Variants in PGAM1 observed in about 807,000 individuals in gnomAD.
PGAM1 encodes BPG-dependent PGAM 1.
Under a neutral mutation model 23.5 loss-of-function variants are expected in PGAM1, and 21 were observed. The observed-to-expected ratio is 0.89, with a 90% CI of 0.63 to 1.29. The LOEUF is 1.29. Among genes scored for constraint, PGAM1 ranks in the 50% most tolerant of loss-of-function variants. The pLI is 0.00. For missense variants in PGAM1, 232 were observed against 336.3 expected (o/e 0.69, Z 2.42); for synonymous variants, 109 against 128.6 (o/e 0.85, Z 1.03).
At chr10:97,432,317 T>TTA in intron 3 of PGAM1, 38 bp from the exon 4 acceptor site, 1 of 1,611,938 alleles carries the variant, frequency 6.2e-7, no homozygotes, top group Non-Finnish European at 8.5e-7. Context: ...TGATGTGGAT[T>TTA]TATGTCTTGT....
At chr10:97,431,610 C>G (rs1223947609) in intron 3 of PGAM1, among the ~76,000 whole-genome samples, 4 of 151,910 alleles carry the variant, frequency 2.6e-5, no homozygotes, top group Admixed American at 2.0e-4. Context: ...AAGACTGCAT[C>G]TCTACAAAAT....
At chr10:97,432,046 G>A (rs1452267786) in intron 3 of PGAM1, among the ~76,000 whole-genome samples, 2 of 152,174 alleles carry the variant, frequency 1.3e-5, no homozygotes, top group Admixed American at 6.5e-5. Context: ...GCTGTACAGG[G>A]TATTTGAGAT....
At chr10:97,427,640 C>G in intron 1 of PGAM1, 1 of 1,186,270 alleles carries the variant, frequency 8.4e-7, no homozygotes, top group Non-Finnish European at 1.1e-6. Flanking sequence ...TGAGATAATG[C>G]TTGCCTATCC....
rs1207334745 is a variant in PGAM1 at position 97,432,527 on chromosome 10, G to C, written c.*3G>C. ...CCCAGGGCAAGGCCAAGAAGTGAAG[G>C]CCGGCGGGGAGGATACTGTCCCCAG... On this transcript the variant is annotated 3_prime_UTR_variant, in exon 4 of 4. Transcript: ENST00000334828. 1.9e-6 allele frequency: 3 copies of C among 1,579,704 alleles called. No homozygotes were observed. The South Asian group carries it at 3.3e-5, about 18-fold the overall frequency.
rs1845459144 is a variant in PGAM1, at chr10:97,430,588, C to T, written c.349C>T (p.Arg117Cys). The T allele has an allele frequency of 6.2e-7, 1 of 1,601,558 alleles. No individual in the cohort carries two copies. Among genetic ancestry groups the T allele is most frequent in the Non-Finnish European group, 8.5e-7 (1 of 1,179,892 alleles). Residue 117 changes from arginine (R) to cysteine (C), a missense_variant, in exon 2 of 4, where the codon CGC becomes TGC. Physicochemically the swap from Arg to Cys is radical, Grantham distance 180. Coordinates refer to ENST00000334828, the MANE Select transcript of PGAM1 (RefSeq NM_002629.4). ...HGEAQVKIWR[R>C]SYDVPPPPME... The stretch of plus-strand genomic sequence containing the variant: ...TGAGGCCCAGGTGAAGATCTGGAGG[C>T]GCTCCTATGATGTCCCACCACCTCC...
intron 1 of PGAM1, among the ~76,000 whole-genome samples, chr10:97,430,043 CAAAAA>C (rs71814636): frequency 5.7e-5 from 4 of 69,786 alleles, no homozygotes; most frequent in Non-Finnish European, 9.7e-5. Flanking sequence ...GACTCCGTCT[CAAAAA>C]AAAAAAAAAA....
Position 97,431,937 on chromosome 10 carries a change from C to G in PGAM1, c.596-418C>G, listed in dbSNP as rs193132418. The stretch of plus-strand genomic sequence containing the variant: ...AATATATATAAAAGAAAAAATTCTC[C>G]TTAGTCACAACCAGGCACAACTTTA... On this transcript the variant is annotated intron_variant, in intron 3 of 3. Coordinates refer to ENST00000334828, the MANE Select transcript of PGAM1 (RefSeq NM_002629.4). 1.4e-4 allele frequency among the ~76,000 whole-genome samples: 22 copies of G among 151,864 alleles called. 1 individual carries two copies. In the East Asian group the frequency reaches 4.1e-3, roughly 28 times the overall value.
At position 97,431,003 on chromosome 10, in the gene PGAM1, A is replaced by C. The variant is rs777276054; in HGVS notation, c.463A>C (p.Ser155Arg). The C allele has an allele frequency of 1.2e-5, 19 of 1,613,810 alleles. No homozygotes were observed. Among genetic ancestry groups the C allele is most frequent in the Non-Finnish European group, 1.6e-5 (19 of 1,179,884 alleles). Residue 155 changes from serine to arginine, a missense_variant, in exon 3 of 4, where the codon AGT (serine) becomes CGT (arginine). By Grantham distance (110) the Ser-to-Arg change is moderately radical. Transcript: ENST00000334828. ...AGAAGATCAGCTACCCTCCTGTGAGAGTCTGAAGGATACTATTGCCAGAGC... is the reference window on the plus strand; with the variant it reads ...AGAAGATCAGCTACCCTCCTGTGAGCGTCTGAAGGATACTATTGCCAGAGC... ...LTEDQLPSCE[S>R]LKDTIARALP...
Position 97,429,140 on chromosome 10 carries a change from A to G in PGAM1, c.140-1239A>G, listed in dbSNP as rs377301923. On this transcript the variant is annotated intron_variant, in intron 1 of 3. Coordinates refer to ENST00000334828, the MANE Select transcript of PGAM1 (RefSeq NM_002629.4). ...TTTGCGTGCGACAGAGTCTCGCTCT[A>G]TCGCCCAGACTGGAGTGCAGTGGCG... Among the ~76,000 whole-genome samples the G allele has an allele frequency of 1.6e-3, 189 of 120,252 alleles. 1 individual carries two copies. The highest frequency in any genetic ancestry group is 5.9e-3 in the African/African-American group (174 of 29,652). The allele number at this position is 120,252 out of a possible 152,430, so 78.9% of individuals were successfully genotyped here.
In PGAM1 at chr10:97,426,203, G is replaced by C; in HGVS notation, c.-105G>C. On this transcript the variant is annotated 5_prime_UTR_variant, in exon 1 of 4. Coordinates refer to ENST00000334828, the MANE Select transcript of PGAM1 (RefSeq NM_002629.4). Reference sequence around the variant, plus strand: ...GAAAGATTTGGGCGAGAACTTGCGCGGGAGCCGGACTGAGCGGTGCGAGCG... The same window carrying C: ...GAAAGATTTGGGCGAGAACTTGCGCCGGAGCCGGACTGAGCGGTGCGAGCG... The C allele has an allele frequency of 6.5e-7, 1 of 1,544,420 alleles. No homozygotes were observed. Among genetic ancestry groups the C allele is most frequent in the Non-Finnish European group, 8.9e-7 (1 of 1,127,028 alleles).
At position 97,430,720 on chromosome 10, in the gene PGAM1, C is replaced by T. The variant is rs1283557270; in HGVS notation, c.414+67C>T. 3 of 1,594,144 alleles carry T rather than the reference C, an allele frequency of 1.9e-6. No homozygotes were observed. In the East Asian group the frequency reaches 6.7e-5, roughly 36 times the overall value. On this transcript the variant is annotated intron_variant, in intron 2 of 3. Transcript: ENST00000334828. ...GGGCTTTTAGTAGTGTCTGCCTAAT[C>T]TCACTGAACTTACAATTCATGATAA... is the stretch of plus-strand genomic sequence containing the variant.
intron 1 of PGAM1, among the ~76,000 whole-genome samples, chr10:97,429,582 T>C (rs1283990986): frequency 6.6e-6 from 1 of 152,188 alleles, no homozygotes; most frequent in Non-Finnish European, 1.5e-5. Context: ...TGAGGGTACT[T>C]GGTATTAGGC....
chr10:97,427,231 C>T (rs539233770), intron 1 of PGAM1: 2 of 980,616 alleles, frequency 2.0e-6, no homozygotes, highest in Non-Finnish European at 1.2e-6. Context: ...CGGATCGACA[C>T]GCCACACAGC....
In PGAM1 at chr10:97,426,402, C is replaced by G. The variant is rs1334859262; in HGVS notation, c.95C>G (p.Pro32Arg). Residue 32 changes from proline (P) to arginine (R), a missense_variant, in exon 1 of 4, where the codon CCG (proline) becomes CGG (arginine). Physicochemically the swap from Pro to Arg is moderately radical, Grantham distance 103. Coordinates refer to ENST00000334828, the MANE Select transcript of PGAM1 (RefSeq NM_002629.4). Reference sequence around the variant, plus strand: ...GGCTGGTACGACGCCGACCTGAGCCCGGCGGGCCACGAGGAGGCGAAGCGC... The same window carrying G: ...GGCTGGTACGACGCCGACCTGAGCCGGGCGGGCCACGAGGAGGCGAAGCGC... ...FSGWYDADLSPAGHEEAKRGG... is the reference protein window; with the variant it reads ...FSGWYDADLSRAGHEEAKRGG... The G allele has an allele frequency of 6.2e-7, 1 of 1,605,042 alleles. No homozygotes were observed. Among genetic ancestry groups the G allele is most frequent in the East Asian group, 2.2e-5 (1 of 44,610 alleles).
In PGAM1 at chr10:97,432,583, G is replaced by T. The variant is rs899065375; in HGVS notation, c.*59G>T. 1.4e-5 allele frequency: 15 copies of T among 1,054,960 alleles called. No homozygotes were observed. The highest frequency in any genetic ancestry group is 2.0e-5 in the Non-Finnish European group (14 of 695,466). 65.3% of individuals were successfully genotyped at this position (1,054,960 alleles called of 1,614,324 possible). A position where few individuals can be genotyped will look rare whatever the true frequency, so the allele number is the denominator to read the frequency against. ...CCCTCCCTGCCCGTCTTGTCCCTCT[G>T]CCCCTCCCACCTGCACATGTCACAC... On this transcript the variant is annotated 3_prime_UTR_variant, in exon 4 of 4. Transcript: ENST00000334828.
intron 1 of PGAM1, among the ~76,000 whole-genome samples, chr10:97,428,587 GC>G (rs1211507678): frequency 2.0e-5 from 3 of 152,202 alleles, no homozygotes; most frequent in Admixed American, 6.5e-5. Context: ...AAAGTGAGCC[GC>G]CTCATTGCAA....
At position 97,430,793 on chromosome 10, in the gene PGAM1, C is replaced by T. The variant is rs191475574; in HGVS notation, c.414+140C>T. The T allele has an allele frequency of 9.0e-6, 13 of 1,445,838 alleles. No individual in the cohort carries two copies. The African/African-American group carries it at 1.5e-4, about 17-fold the overall frequency. The allele number at this position is 1,445,838 out of a possible 1,614,324, so 89.6% of individuals were successfully genotyped here. A position where few individuals can be genotyped will look rare whatever the true frequency, so the allele number is the denominator to read the frequency against. On this transcript the variant is annotated intron_variant, in intron 2 of 3. Coordinates refer to ENST00000334828, the MANE Select transcript of PGAM1 (RefSeq NM_002629.4). ...TTCTCCAGTGAATGACCTTCACTTA[C>T]TAGAAGATATGGTTGATAGTTTACT...
Position 97,426,278 on chromosome 10 carries a change from C to A in PGAM1, c.-30C>A, listed in dbSNP as rs1320442540. ...CTGCTACTCCGGAATCTGCTAATCCCAGTCGGTGCCGCATCCCCAGCCCGC... is the reference window on the plus strand; with the variant it reads ...CTGCTACTCCGGAATCTGCTAATCCAAGTCGGTGCCGCATCCCCAGCCCGC... On this transcript the variant is annotated 5_prime_UTR_variant, in exon 1 of 4. Coordinates refer to ENST00000334828, the MANE Select transcript of PGAM1 (RefSeq NM_002629.4). The A allele has an allele frequency of 6.2e-7, 1 of 1,609,848 alleles. No homozygotes were observed. The highest frequency in any genetic ancestry group is 8.5e-7 in the Non-Finnish European group (1 of 1,179,160).
intron 2 of PGAM1, 29 bp from the exon 3 acceptor site, chr10:97,430,926 G>A (rs757884226): frequency 5.6e-6 from 9 of 1,613,572 alleles, no homozygotes; most frequent in Non-Finnish European, 7.6e-6. Flanking sequence ...CTCTTAATAA[G>A]TGGTGAACTT....
Sources: gnomAD v4.1 joint callset for allele counts (sites outside exome capture counted in the v4.1 genomes callset) on GRCh38, gnomAD v4.1.1 for gene constraint, MANE v1.5 for transcripts, NCBI Gene and HGNC (gene_info 2026-07-23, HGNC 2026-07-21) for gene names.